TRAF3IP1: variants seen among roughly 807,000 people sequenced by gnomAD.
TRAF3IP1 encodes TRAF3-interacting protein 1.
In TRAF3IP1, 53 loss-of-function variants were observed where a neutral mutation model predicts 89.9. The observed-to-expected ratio is 0.59, with a 90% confidence interval of 0.47 to 0.74. TRAF3IP1 has a LOEUF of 0.74. Ranked by LOEUF, TRAF3IP1 falls within the 30% of genes least tolerant of loss-of-function variation. The pLI is 0.00. For synonymous variants in TRAF3IP1, 311 were observed against 322.1 expected, an observed-to-expected ratio of 0.97 and a Z score of 0.37; for missense variants, 806 against 866.1, an observed-to-expected ratio of 0.93 and a Z score of 0.87.
chr2:238,380,885 T>C (rs907295879), intron 15 of TRAF3IP1, among the ~76,000 whole-genome samples: 28 of 152,202 alleles, frequency 1.8e-4, no homozygotes, highest in Admixed American at 1.6e-3. Flanking sequence ...ATGTGAGTGC[T>C]GTAGCCATAA....
intron 15 of TRAF3IP1, among the ~76,000 whole-genome samples, chr2:238,385,263 G>A (rs913484781): frequency 2.0e-5 from 3 of 152,062 alleles, no homozygotes; most frequent in African/African-American, 7.2e-5. Context: ...TGATCCGCCC[G>A]CCTCGGCCTC....
chr2:238,383,086 C>T (rs1000749262), intron 15 of TRAF3IP1, among the ~76,000 whole-genome samples: 2 of 152,144 alleles, frequency 1.3e-5, no homozygotes, highest in African/African-American at 2.4e-5. Flanking sequence ...GCTTCCGGAA[C>T]CTGCTGGTGG....
In TRAF3IP1 at chr2:238,329,195, G is replaced by A. The variant is rs1401285551; in HGVS notation, c.768G>A (p.Gly256=). The part of the protein sequence containing the change: ...KKETERKSEG[G]KEKERLRDRD... Reference sequence around the variant, plus strand: ...AGACAGAGAGAAAGAGTGAGGGGGGGAAAGAGAAGGAGAGACTGAGAGACA... The same window carrying A: ...AGACAGAGAGAAAGAGTGAGGGGGGAAAAGAGAAGGAGAGACTGAGAGACA... The change falls in exon 5 of 17, where the codon GGG becomes GGA. Residue 256 remains glycine (G), a synonymous_variant. Transcript: ENST00000373327. The A allele has an allele frequency of 3.2e-6, 5 of 1,569,326 alleles. No individual in the cohort carries two copies. The highest frequency in any genetic ancestry group is 2.0e-5 in the Admixed American group (1 of 50,616).
intron 15 of TRAF3IP1, among the ~76,000 whole-genome samples, chr2:238,382,178 C>T (rs557696995): frequency 6.6e-6 from 1 of 152,202 alleles, no homozygotes; most frequent in African/African-American, 2.4e-5. Flanking sequence ...TGATGGTTGG[C>T]ATTCATAAGG....
chr2:238,394,942 C>T (rs770666824), intron 15 of TRAF3IP1, among the ~76,000 whole-genome samples: 7 of 152,180 alleles, frequency 4.6e-5, no homozygotes, highest in Non-Finnish European at 8.8e-5. Flanking sequence ...AGCTATGATA[C>T]GTTCAAATTA....
Position 238,328,702 on chromosome 2 carries a change from C to T in TRAF3IP1, c.371C>T (p.Ala124Val), listed in dbSNP as rs764922323. 40 of 1,613,412 alleles carry T rather than the reference C, an allele frequency of 2.5e-5. No homozygotes were observed. The highest frequency in any genetic ancestry group is 8.8e-5 in the South Asian group (8 of 90,998). ...CCLNKLSSDD[A>V]VRRVLAGEKG... ...GACGACAAGCTCTCTAGTGACGATG[C>T]GGTGCGGAGGGTTTTAGCTGGAGAG... Residue 124 changes from alanine (A) to valine (V), a missense_variant, in exon 4 of 17, where the codon GCG (alanine) becomes GTG (valine). Transcript: ENST00000373327.
At chr2:238,376,121 T>A (rs1700304373) in intron 15 of TRAF3IP1, among the ~76,000 whole-genome samples, 1 of 152,208 alleles carries the variant, frequency 6.6e-6, no homozygotes, top group Non-Finnish European at 1.5e-5. Context: ...TCAACTTTGT[T>A]ATTGTAGTGT....
chr2:238,339,413 A>G (rs1019717418), intron 8 of TRAF3IP1, among the ~76,000 whole-genome samples: 1 of 152,184 alleles, frequency 6.6e-6, no homozygotes. Context: ...TTGGTGATGT[A>G]TGTTTTCTTT....
rs2106351504 is a variant in TRAF3IP1, at chr2:238,320,601, G to A, written c.-62G>A. The A allele has an allele frequency of 3.5e-6, 4 of 1,135,592 alleles. No individual in the cohort carries two copies. The highest frequency in any genetic ancestry group is 3.8e-4 in the Middle Eastern group (1 of 2,630). The allele number at this position is 1,135,592 out of a possible 1,614,324, so 70.3% of individuals were successfully genotyped here. Reference sequence around the variant, plus strand: ...CGGGGCCGGCGGCGGCCAGGGACCCGGGCTTAGGCTCGGCCAGGCCGGCTG... The same window carrying A: ...CGGGGCCGGCGGCGGCCAGGGACCCAGGCTTAGGCTCGGCCAGGCCGGCTG... On this transcript the variant is annotated 5_prime_UTR_variant, in exon 1 of 17. Coordinates refer to ENST00000373327, the MANE Select transcript of TRAF3IP1 (RefSeq NM_015650.4).
At chr2:238,337,176 A>G (rs554473151) in intron 7 of TRAF3IP1, among the ~76,000 whole-genome samples, 27 of 152,308 alleles carry the variant, frequency 1.8e-4, no homozygotes, top group Admixed American at 1.3e-3. Flanking sequence ...ATGATAATAA[A>G]GAGAACACAG....
In TRAF3IP1 at chr2:238,325,967, C is replaced by G. The variant is rs1697811678; in HGVS notation, c.351C>G (p.Asn117Lys). 15 of 1,611,748 alleles carry G rather than the reference C, an allele frequency of 9.3e-6. No homozygotes were observed. Among genetic ancestry groups the G allele is most frequent in the Non-Finnish European group, 1.2e-5 (14 of 1,179,248 alleles). ...AGATAATTGGAAAATGCTGTCTCAA[C>G]AAGGTACTACTGCTGTCCTGGCATT... ...LLQIIGKCCL[N>K]KLSSDDAVRR... The change falls in exon 3 of 17, where the codon AAC becomes AAG. Residue 117 changes from asparagine (N) to lysine (K), a missense_variant. This residue lies in a region of TRAF3IP1 where 732 missense variants were observed against 780.5 expected (regional missense o/e 0.94). Coordinates refer to ENST00000373327, the MANE Select transcript of TRAF3IP1 (RefSeq NM_015650.4).
chr2:238,388,374 CAAA>C (rs71043134), intron 15 of TRAF3IP1, among the ~76,000 whole-genome samples: 7 of 101,648 alleles, frequency 6.9e-5, no homozygotes, highest in Admixed American at 1.1e-4. Context: ...GACCCTGTCT[CAAA>C]AAAAAAAAAA....
chr2:238,343,312 T>G lies in TRAF3IP1; in HGVS notation c.1160-1185T>G, dbSNP rs560028087. Among the ~76,000 whole-genome samples, 251 of 152,214 alleles carry G rather than the reference T, an allele frequency of 1.6e-3. 1 individual carries two copies. Among genetic ancestry groups the G allele is most frequent in the Non-Finnish European group, 6.5e-4 (44 of 68,008 alleles). On this transcript the variant is annotated intron_variant, in intron 8 of 16. Transcript: ENST00000373327. Reference sequence around the variant, plus strand: ...TGTTGGCCAGGATGGTCTCGCTCTCTTGAGCTCATGATCCACCGGCCTCAG... The same window carrying G: ...TGTTGGCCAGGATGGTCTCGCTCTCGTGAGCTCATGATCCACCGGCCTCAG...
intron 9 of TRAF3IP1, 138 bp downstream of exon 9, chr2:238,344,736 C>G (rs1170335806): frequency 1.3e-6 from 1 of 757,702 alleles, no homozygotes; most frequent in Middle Eastern, 2.3e-4. Context: ...CAGTGATTCA[C>G]TTCTGCCTTT....
intron 6 of TRAF3IP1, among the ~76,000 whole-genome samples, chr2:238,333,739 A>C (rs1465931037): frequency 6.6e-6 from 1 of 152,138 alleles, no homozygotes; most frequent in Non-Finnish European, 1.5e-5. Context: ...GGCTGTACAG[A>C]ATGATGGAAT....
intron 15 of TRAF3IP1, among the ~76,000 whole-genome samples, chr2:238,372,264 A>G (rs919842818): frequency 1.3e-5 from 2 of 152,068 alleles, no homozygotes; most frequent in African/African-American, 4.8e-5. Context: ...GTTTCTCCTA[A>G]TGCTATCCCT....
At chr2:238,327,811 A>G (rs1223431899) in intron 3 of TRAF3IP1, among the ~76,000 whole-genome samples, 2 of 151,794 alleles carry the variant, frequency 1.3e-5, no homozygotes, top group African/African-American at 4.8e-5. Flanking sequence ...TACTCTAGGG[A>G]CCTCGGATAA....
At chr2:238,368,952 C>G (rs542912424) in intron 15 of TRAF3IP1, among the ~76,000 whole-genome samples, 5 of 152,116 alleles carry the variant, frequency 3.3e-5, no homozygotes, top group Non-Finnish European at 7.4e-5. Flanking sequence ...GGATTACAAG[C>G]GTGAGCCACT....
rs751873008 is a variant in TRAF3IP1, at chr2:238,351,856, TGTGTGTGTGTGC to T, written c.1452-969_1452-958del. On this transcript the variant is annotated intron_variant, in intron 12 of 16. Transcript: ENST00000373327. This position sits in a 1 kb window ranked among gnomAD's most constrained non-coding sequence, Gnocchi z 5.2. ...TTTGGTGTGTGTGTGTGTGTGTGTG[TGTGTGTGTGTGC>T]GCGCGCGCGCGTGTGCGTGCATGTG... Among the ~76,000 whole-genome samples, 4,415 of 117,630 alleles carry T rather than the reference TGTGTGTGTGTGC, an allele frequency of 0.038. 79 individuals carry two copies. The highest frequency in any genetic ancestry group is 0.045 in the Admixed American group (573 of 12,774). 77.2% of individuals were successfully genotyped at this position (117,630 alleles called of 152,430 possible). A position where few individuals can be genotyped will look rare whatever the true frequency, so the allele number is the denominator to read the frequency against.
Sources: allele counts gnomAD v4.1 joint callset (sites outside exome capture counted in the v4.1 genomes callset), GRCh38; gene constraint gnomAD v4.1.1; regional missense constraint gnomAD v4.1.1; non-coding constraint Gnocchi (gnomAD v3.1); transcripts MANE v1.5; gene names NCBI Gene and HGNC (gene_info 2026-07-23, HGNC 2026-07-21).